Variants in GOLGA2 observed in about 807,000 individuals in gnomAD.
The protein encoded by GOLGA2 is golgin A2.
GOLGA2 carries 49 observed loss-of-function variants against 148.8 expected under a neutral mutation model. The observed-to-expected ratio is 0.33, with a 90% CI of 0.26 to 0.42. The LOEUF (loss-of-function observed/expected upper bound fraction) is 0.42. Among genes scored for constraint, GOLGA2 ranks in the 10% least tolerant of loss-of-function variants. The pLI is 1.00. For missense variants in GOLGA2, 1,178 were observed against 1,304.6 expected, an observed-to-expected ratio of 0.90 and a Z score of 1.49; for synonymous variants, 501 against 511.8, an observed-to-expected ratio of 0.98 and a Z score of 0.28.
At position 128,257,310 on chromosome 9, in the gene GOLGA2, G is replaced by A. The variant is rs1228843465; in HGVS notation, c.2876-29C>T. 3.1e-6 allele frequency: 5 copies of A among 1,611,644 alleles called. No individual in the cohort carries two copies. Among genetic ancestry groups the A allele is most frequent in the South Asian group, 2.2e-5 (2 of 90,988 alleles). ...TGGAGAGAGAGAGGCAGGGCTCTGA[G>A]TGCCACGCGAGCCCTCCCTTACTCC... On this transcript the variant is annotated intron_variant, in intron 26 of 26. Transcript: ENST00000611957. The surrounding 1 kb of genome is among the most constrained non-coding windows in gnomAD (Gnocchi z 8.0).
chr9:128,273,607 C>T, intron 2 of GOLGA2: 1 of 538,818 alleles, frequency 1.9e-6, no homozygotes, highest in Non-Finnish European at 3.2e-6. Context: ...AACATAAAAA[C>T]AACAATAACA....
rs1294311311 is a variant in GOLGA2, at chr9:128,258,431, T to C, written c.2289+24A>G. The C allele has an allele frequency of 3.1e-6, 5 of 1,590,816 alleles. No homozygotes were observed. The highest frequency in any genetic ancestry group is 1.7e-5 in the Admixed American group (1 of 59,860). Reference sequence around the variant, plus strand: ...GGACCACAGAGGGAGGCAGCAAAGGTTGGGGAGGGGGAGTCAGCCTCACCA... The same window carrying C: ...GGACCACAGAGGGAGGCAGCAAAGGCTGGGGAGGGGGAGTCAGCCTCACCA... On this transcript the variant is annotated intron_variant, in intron 22 of 26. Transcript: ENST00000611957. This position sits in a 1 kb window ranked among gnomAD's most constrained non-coding sequence, Gnocchi z 6.6.
In GOLGA2 at chr9:128,260,125, C is replaced by G; in HGVS notation, c.1823G>C (p.Gly608Ala). The G allele has an allele frequency of 1.9e-6, 3 of 1,611,224 alleles. No homozygotes were observed. Among genetic ancestry groups the G allele is most frequent in the Non-Finnish European group, 2.5e-6 (3 of 1,179,854 alleles). ...CTCCTGCAGCTCGCCCAGCTTCTTT[C>G]CCAGCTCCCTCTTGACGTGCTGCTC... is the stretch of plus-strand genomic sequence containing the variant. Reference protein sequence around the residue: ...QSEQHVKRELGKKLGELQEKL... With the variant: ...QSEQHVKRELAKKLGELQEKL... The change falls in exon 19 of 27, where the codon GGA (glycine) becomes GCA (alanine). Residue 608 changes from glycine to alanine, a missense_variant. Physicochemically the swap from Gly to Ala is moderately conservative, Grantham distance 60. Transcript: ENST00000611957. The surrounding 1 kb of genome is among the most constrained non-coding windows in gnomAD (Gnocchi z 4.8).
At position 128,266,096 on chromosome 9, in the gene GOLGA2, C is replaced by A; in HGVS notation, c.682-76G>T. The A allele has an allele frequency of 7.0e-7, 1 of 1,422,722 alleles. No homozygotes were observed. The highest frequency in any genetic ancestry group is 9.9e-7 in the Non-Finnish European group (1 of 1,005,870). The allele number at this position is 1,422,722 out of a possible 1,614,324, so 88.1% of individuals were successfully genotyped here. A position where few individuals can be genotyped will look rare whatever the true frequency, so the allele number is the denominator to read the frequency against. On this transcript the variant is annotated intron_variant, in intron 9 of 26. Transcript: ENST00000611957. The surrounding 1 kb of genome is among the most constrained non-coding windows in gnomAD (Gnocchi z 4.2). ...CAGCAAGGGACATGCCCCCAGAATG[C>A]CACCAATGTCCCAGGACAGGCCCAC... is the stretch of plus-strand genomic sequence containing the variant.
At position 128,260,720 on chromosome 9, in the gene GOLGA2, C is replaced by T; in HGVS notation, c.1503G>A (p.Lys501=). ...GCTGTCCTGCCAGACCCTCCAGCTC[C>T]TTCCGCAGGTGCTCAGCCTCCGCTT... ...QLQAEAEHLR[K]ELEGLAGQLQ... Residue 501 remains lysine (K), a synonymous_variant, in exon 18 of 27, where the codon AAG becomes AAA. Transcript: ENST00000611957. The surrounding 1 kb of genome is among the most constrained non-coding windows in gnomAD (Gnocchi z 4.8). The T allele has an allele frequency of 6.2e-7, 1 of 1,613,512 alleles. No homozygotes were observed.
chr9:128,258,327 C>T lies in GOLGA2; in HGVS notation c.2289+128G>A, dbSNP rs1370507889. ...TGGTCCCAAGTGAAATGGTGTCTCA[C>T]CACTGGCTCCCAGGAAAGGGGTGAG... On this transcript the variant is annotated intron_variant, in intron 22 of 26. Coordinates refer to ENST00000611957, the MANE Select transcript of GOLGA2 (RefSeq NM_001366244.2). This position sits in a 1 kb window ranked among gnomAD's most constrained non-coding sequence, Gnocchi z 6.6. The T allele has an allele frequency of 2.6e-5, 30 of 1,134,328 alleles. No individual in the cohort carries two copies. The highest frequency in any genetic ancestry group is 3.8e-5 in the Non-Finnish European group (29 of 768,232). The allele number at this position is 1,134,328 out of a possible 1,614,324, so 70.3% of individuals were successfully genotyped here.
chr9:128,273,744 C>G (rs746079837), intron 2 of GOLGA2, 106 bp downstream of exon 2: 16 of 1,392,108 alleles, frequency 1.1e-5, no homozygotes, highest in Non-Finnish European at 1.6e-5. Flanking sequence ...GGATACAAAC[C>G]CAGAACTCTT....
rs1046208768 is a variant in GOLGA2, at chr9:128,271,715, G to A, written c.288+1070C>T. Among the ~76,000 whole-genome samples, 3 of 152,118 alleles carry A rather than the reference G, an allele frequency of 2.0e-5. No homozygotes were observed. The highest frequency in any genetic ancestry group is 7.2e-5 in the African/African-American group (3 of 41,426). ...CCATTTGGAACCAACCTCCCCCCGA[G>A]CTGAGCATTTGGAATGTTCCAAAAT... is the stretch of plus-strand genomic sequence containing the variant. On this transcript the variant is annotated intron_variant, in intron 3 of 26. Transcript: ENST00000611957. The surrounding 1 kb of genome is among the most constrained non-coding windows in gnomAD (Gnocchi z 4.4).
chr9:128,256,928 A>C lies in GOLGA2; in HGVS notation c.*139T>G. 1 of 641,076 alleles carries C rather than the reference A, an allele frequency of 1.6e-6. No homozygotes were observed. Among genetic ancestry groups the C allele is most frequent in the Non-Finnish European group, 2.8e-6 (1 of 360,840 alleles). 39.7% of individuals were successfully genotyped at this position (641,076 alleles called of 1,614,324 possible). On this transcript the variant is annotated 3_prime_UTR_variant, in exon 27 of 27. Coordinates refer to ENST00000611957, the MANE Select transcript of GOLGA2 (RefSeq NM_001366244.2). ...TGACAGTGATCTTCACCTCATCTGC[A>C]CCTGTCTACCCCCGTTAGACAGGGG... is the stretch of plus-strand genomic sequence containing the variant.
intron 12 of GOLGA2, among the ~76,000 whole-genome samples, chr9:128,263,856 A>T (rs1157700350): frequency 6.6e-6 from 1 of 151,540 alleles, no homozygotes; most frequent in Non-Finnish European, 1.5e-5. Context: ...ATTTGTTTTT[A>T]AAAAAACTTG....
In GOLGA2 at chr9:128,260,427, T is replaced by G; in HGVS notation, c.1758+38A>C. 6.6e-7 allele frequency: 1 copy of G among 1,522,452 alleles called. No homozygotes were observed. The highest frequency in any genetic ancestry group is 9.1e-7 in the Non-Finnish European group (1 of 1,104,956). 94.3% of individuals were successfully genotyped at this position (1,522,452 alleles called of 1,614,324 possible). A position where few individuals can be genotyped will look rare whatever the true frequency, so the allele number is the denominator to read the frequency against. On this transcript the variant is annotated intron_variant, in intron 18 of 26. Coordinates refer to ENST00000611957, the MANE Select transcript of GOLGA2 (RefSeq NM_001366244.2). This position sits in a 1 kb window ranked among gnomAD's most constrained non-coding sequence, Gnocchi z 4.8. ...GTGGGAAAACAAAGGTCTGGAGGGC[T>G]AGGGAGGAGGGCGGGCTCTCCAGGT...
chr9:128,267,903 A>C (rs55671723), intron 6 of GOLGA2, 31 bp downstream of exon 6: 22,045 of 1,505,442 alleles, frequency 0.015, 81 homozygotes, highest in Non-Finnish European at 0.016. Flanking sequence ...CCTTCCCCCC[A>C]CCCCGCTCTC....
Position 128,258,518 on chromosome 9 carries a change from C to CTCCTCCTCCTCCTCCTCCTCA in GOLGA2, c.2205_2225dup (p.Asp735_Glu741dup), listed in dbSNP as rs1197337827. On this transcript the variant is annotated inframe_insertion, in exon 22 of 27. Transcript: ENST00000611957. This position sits in a 1 kb window ranked among gnomAD's most constrained non-coding sequence, Gnocchi z 6.6. ...GCATGGGCTGAGGTACTGCCACCGC[C>CTCCTCCTCCTCCTCCTCCTCA]TCCTCCTCCTCCTCCTCCTCATCCT... The CTCCTCCTCCTCCTCCTCCTCA allele has an allele frequency of 5.8e-6, 6 of 1,033,102 alleles. No individual in the cohort carries two copies. In the South Asian group the frequency reaches 6.2e-5, roughly 11 times the overall value. The allele number at this position is 1,033,102 out of a possible 1,614,324, so 64.0% of individuals were successfully genotyped here.
At chr9:128,264,015 A>T (rs1038478752) in intron 12 of GOLGA2, among the ~76,000 whole-genome samples, 6 of 149,312 alleles carry the variant, frequency 4.0e-5, no homozygotes, top group African/African-American at 1.5e-4. Context: ...AATACAAAAA[A>T]TTAGCCAGGC....
At position 128,261,020 on chromosome 9, in the gene GOLGA2, T is replaced by C. The variant is rs1830239309; in HGVS notation, c.1420+152A>G. On this transcript the variant is annotated intron_variant, in intron 17 of 26. Transcript: ENST00000611957. The surrounding 1 kb of genome is among the most constrained non-coding windows in gnomAD (Gnocchi z 5.7). ...TTTGCTGATGGGGCACTGAGGCTCATGGAGATGACGAGACTTGCCATCTCC... is the reference window on the plus strand; with the variant it reads ...TTTGCTGATGGGGCACTGAGGCTCACGGAGATGACGAGACTTGCCATCTCC... 3 of 707,464 alleles carry C rather than the reference T, an allele frequency of 4.2e-6. No individual in the cohort carries two copies. Among genetic ancestry groups the C allele is most frequent in the Non-Finnish European group, 5.1e-6 (2 of 395,206 alleles). 43.8% of individuals were successfully genotyped at this position (707,464 alleles called of 1,614,324 possible). A position where few individuals can be genotyped will look rare whatever the true frequency, so the allele number is the denominator to read the frequency against.
rs1237455893 is a variant in GOLGA2 at position 128,260,066 on chromosome 9, G to C, written c.1872+10C>G. The C allele has an allele frequency of 6.3e-7, 1 of 1,586,246 alleles. No homozygotes were observed. Among genetic ancestry groups the C allele is most frequent in the East Asian group, 2.2e-5 (1 of 44,784 alleles). On this transcript the variant is annotated intron_variant, in intron 19 of 26. Coordinates refer to ENST00000611957, the MANE Select transcript of GOLGA2 (RefSeq NM_001366244.2). The surrounding 1 kb of genome is among the most constrained non-coding windows in gnomAD (Gnocchi z 4.8). ...CGCCTCCCAGCCCTTCTTGGATGGG[G>C]CGGGGTTACCGTTTCCTTCAGCTCG...
chr9:128,260,131 T>G lies in GOLGA2; in HGVS notation c.1817A>C (p.Glu606Ala), dbSNP rs746641261. Residue 606 changes from glutamate to alanine, a missense_variant, in exon 19 of 27, where the codon GAG (glutamate) becomes GCG (alanine). This residue lies in a region of GOLGA2 where 529 missense variants were observed against 521.8 expected (regional missense o/e 1.01). Coordinates refer to ENST00000611957, the MANE Select transcript of GOLGA2 (RefSeq NM_001366244.2). The surrounding 1 kb of genome is among the most constrained non-coding windows in gnomAD (Gnocchi z 4.8). ...CAGCTCGCCCAGCTTCTTTCCCAGCTCCCTCTTGACGTGCTGCTCCGACTG... is the reference window on the plus strand; with the variant it reads ...CAGCTCGCCCAGCTTCTTTCCCAGCGCCCTCTTGACGTGCTGCTCCGACTG... ...ALQSEQHVKRELGKKLGELQE... is the reference protein window; with the variant it reads ...ALQSEQHVKRALGKKLGELQE... 3 of 1,611,186 alleles carry G rather than the reference T, an allele frequency of 1.9e-6. No homozygotes were observed. The highest frequency in any genetic ancestry group is 1.1e-5 in the South Asian group (1 of 91,070).
intron 2 of GOLGA2, among the ~76,000 whole-genome samples, chr9:128,273,377 G>T (rs1831076170): frequency 6.6e-6 from 1 of 152,182 alleles, no homozygotes; most frequent in Non-Finnish European, 1.5e-5. Flanking sequence ...TGGCAAAGAT[G>T]AACTCAAAAG....
At position 128,273,821 on chromosome 9, in the gene GOLGA2, C is replaced by T. The variant is rs1438230124; in HGVS notation, c.207+29G>A. On this transcript the variant is annotated intron_variant, in intron 2 of 26. Transcript: ENST00000611957. ...CTCTACTGCCCCTTGGGCCCCCTGT[C>T]CCCAGGAGCCTGGCCATCCAAGACT... The T allele has an allele frequency of 4.3e-6, 7 of 1,612,340 alleles. No individual in the cohort carries two copies. The South Asian group carries it at 5.5e-5, about 13-fold the overall frequency.
Sources: allele counts gnomAD v4.1 joint callset (sites outside exome capture counted in the v4.1 genomes callset), GRCh38; gene constraint gnomAD v4.1.1; regional missense constraint gnomAD v4.1.1; non-coding constraint Gnocchi (gnomAD v3.1); transcripts MANE v1.5; gene names NCBI Gene and HGNC (gene_info 2026-07-23, HGNC 2026-07-21).